TPH1: variants seen among roughly 807,000 people sequenced by gnomAD.
TPH1 encodes the protein tryptophan 5-hydroxylase 1.
TPH1 carries 37 observed loss-of-function variants against 49.5 expected under a neutral mutation model. That is an observed-to-expected ratio of 0.75 (90% CI 0.58 to 0.98). The LOEUF is 0.98. TPH1 is among the 50% of genes least tolerant of loss of function. The pLI is 0.00. For missense variants in TPH1, 487 were observed against 523.6 expected (o/e 0.93, Z 0.68); for synonymous variants, 160 against 182.1 (o/e 0.88, Z 0.98).
intron 2 of TPH1, among the ~76,000 whole-genome samples, chr11:18,038,829 A>T (rs1460762306): frequency 6.6e-6 from 1 of 152,242 alleles, no homozygotes; most frequent in Non-Finnish European, 1.5e-5. Context: ...ACATACAGGT[A>T]TTTTATTTAA....
chr11:18,026,040 CA>C (rs2134026803), intron 7 of TPH1, among the ~76,000 whole-genome samples: 1 of 152,098 alleles, frequency 6.6e-6, no homozygotes, highest in Non-Finnish European at 1.5e-5. Context: ...TCACCCTTTT[CA>C]AAACAGCAAC....
chr11:18,027,153 C>T (rs1847936624), intron 6 of TPH1, among the ~76,000 whole-genome samples: 1 of 152,138 alleles, frequency 6.6e-6, no homozygotes, highest in Non-Finnish European at 1.5e-5. Context: ...TGGATAGTGC[C>T]CTTCCATCTC....
At chr11:18,027,635 C>T (rs1847943312) in intron 6 of TPH1, among the ~76,000 whole-genome samples, 1 of 152,210 alleles carries the variant, frequency 6.6e-6, no homozygotes. Flanking sequence ...GCACATTCTG[C>T]AGCCAGCCCA....
chr11:18,043,440 A>G (rs1848115345), intron 1 of TPH1, among the ~76,000 whole-genome samples: 1 of 152,156 alleles, frequency 6.6e-6, no homozygotes, highest in South Asian at 2.1e-4. Context: ...CCCCGTCTCT[A>G]CTAAAAATAC....
chr11:18,042,520 A>G (rs1848107465), intron 1 of TPH1: 1 of 331,506 alleles, frequency 3.0e-6, no homozygotes, highest in South Asian at 2.5e-5. Context: ...TAGGCAAGTT[A>G]TAATCTTTAT....
intron 1 of TPH1, among the ~76,000 whole-genome samples, chr11:18,043,430 C>T (rs1848115199): frequency 1.3e-5 from 2 of 152,116 alleles, no homozygotes; most frequent in Admixed American, 1.3e-4. Flanking sequence ...CATGGTGAAA[C>T]CCCGTCTCTA....
intron 4 of TPH1, among the ~76,000 whole-genome samples, 191 bp downstream of exon 4, chr11:18,033,083 T>A (rs1226236218): frequency 6.6e-6 from 1 of 152,104 alleles, no homozygotes; most frequent in Non-Finnish European, 1.5e-5. Flanking sequence ...TGAAACCCCA[T>A]CTCTACTAAA....
chr11:18,023,587 C>T (rs1341706154), intron 9 of TPH1, among the ~76,000 whole-genome samples: 1 of 151,972 alleles, frequency 6.6e-6, no homozygotes. Context: ...AACTTATTTT[C>T]CACAGCTCTA....
chr11:18,038,215 A>G (rs186631433), intron 2 of TPH1, among the ~76,000 whole-genome samples: 255 of 151,486 alleles, frequency 1.7e-3, no homozygotes, highest in Non-Finnish European at 3.1e-3. Context: ...CATATAACTT[A>G]TAAGTGTGGA....
At chr11:18,035,077 G>T (rs1351494237) in intron 3 of TPH1, among the ~76,000 whole-genome samples, 1 of 152,238 alleles carries the variant, frequency 6.6e-6, no homozygotes, top group Admixed American at 6.5e-5. Flanking sequence ...GGTAAGGATC[G>T]CCGGGCCTGC....
chr11:18,033,110 G>C (rs533453099), intron 4 of TPH1, among the ~76,000 whole-genome samples, 164 bp downstream of exon 4: 1 of 152,210 alleles, frequency 6.6e-6, no homozygotes, highest in Admixed American at 6.5e-5. Flanking sequence ...AAAATTAGCT[G>C]GGTGTGGTTG....
In TPH1 at chr11:18,018,699, A is replaced by AAAAAAAAAAAAAAAAAAAC. The variant is rs1854323444; in HGVS notation, c.*2291_*2292insGTTTTTTTTTTTTTTTTTT. 1 of 141,850 alleles carries AAAAAAAAAAAAAAAAAAAC rather than the reference A, an allele frequency of 7.0e-6. No individual in the cohort carries two copies. Among genetic ancestry groups the AAAAAAAAAAAAAAAAAAAC allele is most frequent in the East Asian group, 2.0e-4 (1 of 4,898 alleles). The allele number at this position is 141,850 out of a possible 1,614,324, so 8.8% of individuals were successfully genotyped here. ...AAAAAAAAAAAAAAAAAAAAAAAAA[A>AAAAAAAAAAAAAAAAAAAC]AAAAAAAAATTCCATTGTTCTGAAG... On this transcript the variant is annotated 3_prime_UTR_variant, in exon 11 of 11. Coordinates refer to ENST00000682019, the MANE Select transcript of TPH1 (RefSeq NM_004179.3).
chr11:18,024,507 C>T (rs540120393), intron 8 of TPH1, among the ~76,000 whole-genome samples: 8 of 152,178 alleles, frequency 5.3e-5, no homozygotes, highest in South Asian at 2.1e-4. Context: ...CAGCTTCATG[C>T]GGTTATCTAG....
At chr11:18,026,427 A>G (rs502962) in intron 7 of TPH1, 63 bp downstream of exon 7, 5 of 1,292,944 alleles carry the variant, frequency 3.9e-6, no homozygotes, top group South Asian at 1.2e-5. Context: ...AGAACCCATA[A>G]GGTAGATGCC....
At chr11:18,045,474 A>ACCCC (rs397778346) in intron 1 of TPH1, among the ~76,000 whole-genome samples, 35 of 65,592 alleles carry the variant, frequency 5.3e-4, no homozygotes, top group African/African-American at 1.5e-3. Flanking sequence ...TTAGAATTCC[A>ACCCC]CCCCCCCCTT....
At chr11:18,029,011 C>T (rs552423828) in intron 6 of TPH1, among the ~76,000 whole-genome samples, 154 bp downstream of exon 6, 64 of 138,194 alleles carry the variant, frequency 4.6e-4, no homozygotes, top group African/African-American at 1.6e-3. Context: ...GCTGCAGTGA[C>T]AGAGGCTGCA....
chr11:18,025,668 C>G lies in TPH1; in HGVS notation c.837G>C (p.Pro279=). ...GGGCAAAACTAGGTTCAGCCAAAAGCGGGACATGACCTAAGAGTTCATGGC... is the reference window on the plus strand; with the variant it reads ...GGGCAAAACTAGGTTCAGCCAAAAGGGGGACATGACCTAAGAGTTCATGGC... ...DTCHELLGHV[P]LLAEPSFAQF... Residue 279 remains proline, a synonymous_variant, in exon 8 of 11, where the codon CCG becomes CCC. Transcript: ENST00000682019. 1 of 1,613,948 alleles carries G rather than the reference C, an allele frequency of 6.2e-7. No homozygotes were observed. The highest frequency in any genetic ancestry group is 8.5e-7 in the Non-Finnish European group (1 of 1,179,890).
At chr11:18,037,357 CAAA>C (rs149722166) in intron 2 of TPH1, among the ~76,000 whole-genome samples, 14 of 132,416 alleles carry the variant, frequency 1.1e-4, no homozygotes, top group Middle Eastern at 3.8e-3. Flanking sequence ...GACCCTTTCT[CAAA>C]AAAAAAAAAA....
At position 18,020,470 on chromosome 11, in the gene TPH1, G is replaced by T. The variant is rs1854346370; in HGVS notation, c.*521C>A. ...GGCCTCTATACTTTTGCTCATGCTA[G>T]CAACAAAGACAGCAGGGTCTCCTGT... On this transcript the variant is annotated 3_prime_UTR_variant, in exon 11 of 11. Transcript: ENST00000682019. 1 of 161,608 alleles carries T rather than the reference G, an allele frequency of 6.2e-6. No homozygotes were observed. The highest frequency in any genetic ancestry group is 1.7e-4 in the South Asian group (1 of 5,784). The allele number at this position is 161,608 out of a possible 1,614,324, so 10.0% of individuals were successfully genotyped here.
Sources: allele counts gnomAD v4.1 joint callset (sites outside exome capture counted in the v4.1 genomes callset), GRCh38; gene constraint gnomAD v4.1.1; transcripts MANE v1.5; gene names NCBI Gene and HGNC (gene_info 2026-07-23, HGNC 2026-07-21).